ZNF536: variants seen among roughly 807,000 people sequenced by gnomAD.
ZNF536 encodes zinc finger protein 536.
ZNF536 carries 13 observed loss-of-function variants against 84.5 expected under a neutral mutation model. The ratio of observed to expected loss-of-function variants is 0.15; its 90% CI spans 0.10 to 0.24. The LOEUF is 0.24. Ranked by LOEUF, ZNF536 falls within the 10% of genes least tolerant of loss-of-function variation. The pLI is 1.00. For synonymous variants in ZNF536, 811 were observed against 742.5 expected (o/e 1.09, Z -1.50); for missense variants, 1,536 against 1,747.5 (o/e 0.88, Z 2.16).
At chr19:30,348,021 T>A (rs1267935586) in intron 2 of ZNF536, among the ~76,000 whole-genome samples, 1 of 152,266 alleles carries the variant, frequency 6.6e-6, no homozygotes, top group African/African-American at 2.4e-5. Context: ...ATTCCAATGA[T>A]GTTCTTTCAT....
At chr19:30,488,623 A>G (rs773034493) in intron 2 of ZNF536, among the ~76,000 whole-genome samples, 1 of 151,754 alleles carries the variant, frequency 6.6e-6, no homozygotes, top group Non-Finnish European at 1.5e-5. Flanking sequence ...CGAATCACAT[A>G]GACACTTTCA....
At chr19:30,429,948 C>G (rs751437381) in intron 1 of ZNF536, among the ~76,000 whole-genome samples, 5 of 150,732 alleles carry the variant, frequency 3.3e-5, no homozygotes, top group African/African-American at 9.8e-5. Flanking sequence ...ATGTGGGCCC[C>G]AGGAGGTCCT....
intron 1 of ZNF536, among the ~76,000 whole-genome samples, chr19:30,668,310 G>T (rs935220131): frequency 1.9e-4 from 29 of 152,190 alleles, no homozygotes; most frequent in African/African-American, 6.7e-4. Flanking sequence ...ACTTTCTTTT[G>T]CTTGCTAGGA....
intron 1 of ZNF536, among the ~76,000 whole-genome samples, chr19:30,641,929 G>A (rs2049280193): frequency 1.3e-5 from 2 of 152,166 alleles, no homozygotes; most frequent in Admixed American, 6.5e-5. Flanking sequence ...TGATTGCAAA[G>A]CCAAGGATAA....
chr19:30,322,305 A>T (rs2046883817), intron 2 of ZNF536, among the ~76,000 whole-genome samples: 1 of 152,124 alleles, frequency 6.6e-6, no homozygotes, highest in South Asian at 2.1e-4. Context: ...TTTTCTATAT[A>T]AAAAAATACT....
intron 1 of ZNF536, among the ~76,000 whole-genome samples, chr19:30,406,903 C>T (rs752183327): frequency 6.6e-6 from 1 of 152,208 alleles, no homozygotes; most frequent in Non-Finnish European, 1.5e-5. Context: ...GAGATGCGAG[C>T]AGAGGAGATC....
chr19:30,596,858 T>TA (rs59926991), intron 1 of ZNF536, among the ~76,000 whole-genome samples: 44,648 of 143,308 alleles, frequency 0.31, 6,782 homozygotes, highest in Admixed American at 0.43. Flanking sequence ...TTTTTTTAGC[T>TA]AAAAAAAAAA....
intron 1 of ZNF536, among the ~76,000 whole-genome samples, chr19:30,657,939 G>T (rs111849822): frequency 6.6e-6 from 1 of 152,020 alleles, no homozygotes; most frequent in African/African-American, 2.4e-5. Flanking sequence ...GTTTTTACAC[G>T]CTTCAGCTAG....
intron 2 of ZNF536, among the ~76,000 whole-genome samples, chr19:30,508,588 G>A (rs1374286964): frequency 1.3e-5 from 2 of 152,038 alleles, no homozygotes; most frequent in Admixed American, 6.5e-5. Context: ...GCAGAGGGGG[G>A]CCAGGTGGAG....
intron 2 of ZNF536, among the ~76,000 whole-genome samples, chr19:30,514,395 A>C (rs1373180764): frequency 6.6e-6 from 1 of 151,914 alleles, no homozygotes; most frequent in Non-Finnish European, 1.5e-5. Context: ...GTTTTCTGGT[A>C]ATTATTTTAC....
At chr19:30,410,402 A>C (rs562096303) in intron 1 of ZNF536, among the ~76,000 whole-genome samples, 20 of 151,644 alleles carry the variant, frequency 1.3e-4, no homozygotes, top group Middle Eastern at 6.8e-3. Context: ...TGTTCTTTGA[A>C]ATTTATAAAT....
At chr19:30,228,462 C>A (rs1431034300), upstream of ZNF536, 1 of 152,100 alleles carries the variant, frequency 6.6e-6, no homozygotes, top group African/African-American at 2.4e-5. This position sits in a 1 kb window ranked among gnomAD's most constrained non-coding sequence, Gnocchi z 4.5. Context: ...CGGGACCTGG[C>A]GTAGCCGTGA....
intron 1 of ZNF536, among the ~76,000 whole-genome samples, chr19:30,408,974 A>C (rs907259208): frequency 9.3e-5 from 14 of 150,104 alleles, no homozygotes; most frequent in African/African-American, 3.4e-4. Flanking sequence ...CAAATCCATC[A>C]TTCATTCATT....
chr19:30,229,565 G>GGGT (rs962287542), intron 1 of ZNF536, among the ~76,000 whole-genome samples: 3 of 147,706 alleles, frequency 2.0e-5, no homozygotes, highest in East Asian at 4.1e-4. Context: ...AAGCTGCTGC[G>GGGT]GGTGGTGGGG....
At chr19:30,323,515 T>C (rs1183026583) in intron 2 of ZNF536, among the ~76,000 whole-genome samples, 3 of 152,222 alleles carry the variant, frequency 2.0e-5, no homozygotes, top group Non-Finnish European at 4.4e-5. Flanking sequence ...ACTTGATGTA[T>C]TCTGGATTTA....
chr19:30,262,668 C>G (rs919111205), intron 1 of ZNF536, among the ~76,000 whole-genome samples: 7 of 152,104 alleles, frequency 4.6e-5, no homozygotes, highest in African/African-American at 1.4e-4. Context: ...GCCAGGTGGT[C>G]AGAGGGACCT....
intron 1 of ZNF536, among the ~76,000 whole-genome samples, chr19:30,610,020 AT>A (rs2048048473): frequency 6.6e-6 from 1 of 152,106 alleles, no homozygotes; most frequent in Admixed American, 6.5e-5. Context: ...CCATCCATCC[AT>A]CCATGCATTC....
At chr19:30,542,012 A>T (rs2045351707) in intron 3 of ZNF536, among the ~76,000 whole-genome samples, 2 of 152,250 alleles carry the variant, frequency 1.3e-5, no homozygotes, top group Admixed American at 1.3e-4. Context: ...GAGATGGAGA[A>T]GGACTAAATA....
rs145703161 is a variant in ZNF536, at chr19:30,244,336, G to A, written c.-190+15663G>A. Reference sequence around the variant, plus strand: ...TCAGGTGCTGTGCTGTTACATTAAGGCCAAATTCCATCTCTCACTTGTGCA... The same window carrying A: ...TCAGGTGCTGTGCTGTTACATTAAGACCAAATTCCATCTCTCACTTGTGCA... On this transcript the variant is annotated intron_variant, in intron 1 of 5. Coordinates refer to the ZNF536 transcript ENST00000585628. 1.7e-3 allele frequency among the ~76,000 whole-genome samples: 256 copies of A among 152,092 alleles called. 1 individual carries two copies. Among genetic ancestry groups the A allele is most frequent in the African/African-American group, 5.7e-3 (235 of 41,482 alleles).
Sources: allele counts gnomAD v4.1 joint callset (sites outside exome capture counted in the v4.1 genomes callset), GRCh38; gene constraint gnomAD v4.1.1; non-coding constraint Gnocchi (gnomAD v3.1); transcripts MANE v1.5; gene names NCBI Gene and HGNC (gene_info 2026-07-23, HGNC 2026-07-21).